The following XIRP2 variants were observed in gnomAD, a reference collection of about 807,000 sequenced individuals.
XIRP2 encodes xin actin-binding repeat-containing protein 2.
Under a neutral mutation model 277.0 loss-of-function variants are expected in XIRP2, and 236 were observed. The ratio of observed to expected loss-of-function variants is 0.85; its 90% CI spans 0.77 to 0.95. The LOEUF is 0.95. Among genes scored for constraint, XIRP2 ranks in the 40% least tolerant of loss-of-function variants. XIRP2 has a pLI of 0.00. For missense variants in XIRP2, 4,640 were observed against 4,157.5 expected (o/e 1.12, Z -3.19); for synonymous variants, 1,490 against 1,416.5 (o/e 1.05, Z -1.17).
chr2:167,219,177 A>C (rs943214883), intron 5 of XIRP2, among the ~76,000 whole-genome samples: 5 of 152,178 alleles, frequency 3.3e-5, no homozygotes, highest in Non-Finnish European at 7.4e-5. Context: ...CATATGTGAA[A>C]GATTATTTGT....
At chr2:167,072,984 A>G (rs1178051467) in intron 2 of XIRP2, among the ~76,000 whole-genome samples, 1 of 152,206 alleles carries the variant, frequency 6.6e-6, no homozygotes, top group Non-Finnish European at 1.5e-5. Flanking sequence ...AAAACGATAA[A>G]AGTAAAATTT....
chr2:167,041,940 G>A (rs1414595270), intron 2 of XIRP2, among the ~76,000 whole-genome samples: 1 of 152,148 alleles, frequency 6.6e-6, no homozygotes, highest in East Asian at 1.9e-4. Flanking sequence ...GCTAGAGAGG[G>A]AAGGGGCATG....
At chr2:166,985,108 A>T (rs1381039330) in intron 2 of XIRP2, among the ~76,000 whole-genome samples, 1 of 152,216 alleles carries the variant, frequency 6.6e-6, no homozygotes, top group Non-Finnish European at 1.5e-5. Context: ...CACAAAATTT[A>T]GTCCATAATA....
At chr2:166,904,025 G>T in intron 2 of XIRP2, 135 bp downstream of exon 2, 1 of 994,862 alleles carries the variant, frequency 1.0e-6, no homozygotes, top group South Asian at 1.9e-5. Flanking sequence ...GTAATGCAGT[G>T]TGAAATGTGA....
intron 2 of XIRP2, among the ~76,000 whole-genome samples, chr2:167,042,933 A>G (rs1248934382): frequency 6.6e-6 from 1 of 151,866 alleles, no homozygotes; most frequent in Non-Finnish European, 1.5e-5. Flanking sequence ...TTGCTTGGCC[A>G]TAAAGCAATT....
At chr2:166,982,606 A>T (rs972370627) in intron 2 of XIRP2, among the ~76,000 whole-genome samples, 1 of 151,710 alleles carries the variant, frequency 6.6e-6, no homozygotes, top group African/African-American at 2.4e-5. Flanking sequence ...TTCCTCCCTT[A>T]TGTCTATTTT....
In XIRP2 at chr2:167,248,816, C is replaced by A. The variant is rs201293447; in HGVS notation, c.7424C>A (p.Thr2475Lys). The A allele has an allele frequency of 9.3e-6, 15 of 1,613,590 alleles. No homozygotes were observed. Among genetic ancestry groups the A allele is most frequent in the Non-Finnish European group, 1.3e-5 (15 of 1,179,768 alleles). Reference protein sequence around the residue: ...KVMVMTSSEHTETKQNVISKS... With the variant: ...KVMVMTSSEHKETKQNVISKS... ...ATGGTGATGACCAGCAGTGAACACA[C>A]GGAGACAAAGCAGAACGTTATTAGT... The change falls in exon 9 of 11, where the codon ACG (threonine) becomes AAG (lysine). Residue 2475 changes from threonine to lysine, a missense_variant. By Grantham distance (78) the Thr-to-Lys change is moderately conservative (BLOSUM62 -1). Transcript: ENST00000409195.
chr2:166,916,420 G>A (rs890268092), intron 2 of XIRP2, among the ~76,000 whole-genome samples: 2 of 152,064 alleles, frequency 1.3e-5, no homozygotes, highest in African/African-American at 2.4e-5. Context: ...CTTCTGTCAA[G>A]CATGATGTAT....
intron 2 of XIRP2, among the ~76,000 whole-genome samples, chr2:166,997,033 TAA>T (rs1687240310): frequency 6.6e-6 from 1 of 152,198 alleles, no homozygotes; most frequent in Non-Finnish European, 1.5e-5. Flanking sequence ...GAAAAATGAA[TAA>T]GTTTTCTTTG....
At chr2:167,066,528 A>G (rs1409535803) in intron 2 of XIRP2, among the ~76,000 whole-genome samples, 1 of 152,082 alleles carries the variant, frequency 6.6e-6, no homozygotes, top group African/African-American at 2.4e-5. Flanking sequence ...GGTGGAAATG[A>G]AAACTGGTGC....
chr2:167,067,151 C>G (rs1689321179), intron 2 of XIRP2, among the ~76,000 whole-genome samples: 1 of 151,918 alleles, frequency 6.6e-6, no homozygotes, highest in South Asian at 2.1e-4. Flanking sequence ...TATTCCTTTC[C>G]CGAGACTTCA....
intron 2 of XIRP2, among the ~76,000 whole-genome samples, chr2:166,977,661 A>T (rs941287185): frequency 6.6e-6 from 1 of 152,154 alleles, no homozygotes; most frequent in Non-Finnish European, 1.5e-5. Flanking sequence ...GAAAAGGTAT[A>T]AAAAAATGAT....
chr2:167,205,782 G>A (rs1057246464), intron 3 of XIRP2, among the ~76,000 whole-genome samples: 3 of 151,812 alleles, frequency 2.0e-5, no homozygotes, highest in African/African-American at 4.8e-5. Flanking sequence ...TTCATCCTTC[G>A]ATGTGAAGTT....
In XIRP2 at chr2:167,153,398, T is replaced by C. The variant is rs548392825; in HGVS notation, c.562+17336T>C. 9.2e-5 allele frequency among the ~76,000 whole-genome samples: 14 copies of C among 152,116 alleles called. No individual in the cohort carries two copies. The South Asian group carries it at 2.9e-3, about 32-fold the overall frequency. On this transcript the variant is annotated intron_variant, in intron 3 of 10. Coordinates refer to ENST00000409195, the MANE Select transcript of XIRP2 (RefSeq NM_152381.6). ...TTTAAGTTTCTGAACTCAAAATTTT[T>C]TTTATTTTTTTATTTTATTGTTATT... is the stretch of plus-strand genomic sequence containing the variant.
intron 2 of XIRP2, among the ~76,000 whole-genome samples, chr2:166,947,784 GTCCACACAGCAA>G (rs1470198053): frequency 1.3e-5 from 2 of 152,088 alleles, no homozygotes; most frequent in Non-Finnish European, 2.9e-5. Context: ...GAAAGCTTAG[GTCCACACAGCAA>G]TCTGGACAGA....
At chr2:167,219,727 A>G (rs898929229) in intron 5 of XIRP2, among the ~76,000 whole-genome samples, 1 of 152,238 alleles carries the variant, frequency 6.6e-6, no homozygotes, top group Non-Finnish European at 1.5e-5. Flanking sequence ...CTATGTAAAC[A>G]GTACTGCACA....
intron 2 of XIRP2, among the ~76,000 whole-genome samples, chr2:167,037,903 C>T (rs892288411): frequency 1.3e-5 from 2 of 151,746 alleles, no homozygotes; most frequent in Non-Finnish European, 2.9e-5. Flanking sequence ...TTGATAATTT[C>T]TTTTTAATAA....
rs1695429383 is a variant in XIRP2 at position 167,250,093 on chromosome 2, G to A, written c.8701G>A (p.Val2901Ile). 2 of 1,613,530 alleles carry A rather than the reference G, an allele frequency of 1.2e-6. No individual in the cohort carries two copies. Among genetic ancestry groups the A allele is most frequent in the South Asian group, 2.2e-5 (2 of 91,064 alleles). ...NSLQEEKCLEVKGIQEKQVFS... is the reference protein window; with the variant it reads ...NSLQEEKCLEIKGIQEKQVFS... ...TCTGCAGGAAGAAAAATGTCTCGAA[G>A]TCAAGGGCATACAAGAGAAACAAGT... The change falls in exon 9 of 11, where the codon GTC becomes ATC. Residue 2901 changes from valine to isoleucine, a missense_variant. Coordinates refer to ENST00000409195, the MANE Select transcript of XIRP2 (RefSeq NM_152381.6).
At chr2:167,071,200 T>C (rs1041985597) in intron 2 of XIRP2, among the ~76,000 whole-genome samples, 5 of 152,162 alleles carry the variant, frequency 3.3e-5, no homozygotes, top group Admixed American at 2.0e-4. Context: ...AATAATATAG[T>C]GTGAACATAT....
Sources: gnomAD v4.1 joint callset for allele counts (sites outside exome capture counted in the v4.1 genomes callset) on GRCh38, gnomAD v4.1.1 for gene constraint, MANE v1.5 for transcripts, NCBI Gene and HGNC (gene_info 2026-07-23, HGNC 2026-07-21) for gene names.